The following CLASP1 variants were observed in gnomAD, a reference collection of about 807,000 sequenced individuals.
CLASP1 encodes the protein cytoplasmic linker associated protein 1.
A neutral mutation model predicts 192.3 loss-of-function variants in CLASP1; 38 were observed. That is an observed-to-expected ratio of 0.20 (90% CI 0.15 to 0.26). CLASP1 has a LOEUF of 0.26. Among genes scored for constraint, CLASP1 ranks in the 10% least tolerant of loss-of-function variants. The pLI is 1.00. For synonymous variants in CLASP1, 691 were observed against 712.8 expected (o/e 0.97, Z 0.49); for missense variants, 1,433 against 1,932.5 (o/e 0.74, Z 4.85).
chr2:121,600,550 C>T (rs954859098), intron 2 of CLASP1, among the ~76,000 whole-genome samples: 7 of 152,210 alleles, frequency 4.6e-5, no homozygotes, highest in African/African-American at 1.7e-4. Flanking sequence ...TCTGGAAAAA[C>T]TAACCAATCT....
At chr2:121,530,901 G>T (rs879429057) in intron 2 of CLASP1, 3 of 695,712 alleles carry the variant, frequency 4.3e-6, no homozygotes, top group East Asian at 2.7e-5. Context: ...TCTTGGGGTT[G>T]CGCTACTGTC....
intron 23 of CLASP1, among the ~76,000 whole-genome samples, chr2:121,414,902 A>C (rs1202240657): frequency 6.6e-6 from 1 of 152,032 alleles, no homozygotes; most frequent in Non-Finnish European, 1.5e-5. Flanking sequence ...CGCCTGCCTC[A>C]GCCTCCCAAG....
intron 2 of CLASP1, among the ~76,000 whole-genome samples, chr2:121,546,269 G>C (rs558638108): frequency 6.6e-6 from 1 of 151,538 alleles, no homozygotes; most frequent in Non-Finnish European, 1.5e-5. Flanking sequence ...CCCTATGACT[G>C]CAATTCCATT....
intron 8 of CLASP1, chr2:121,470,406 CACCTGGTACACACTTTA>C (rs2090505435): frequency 2.3e-6 from 1 of 432,316 alleles, no homozygotes; most frequent in Non-Finnish European, 4.4e-6. Flanking sequence ...TGTACTTGGT[CACCTGGTACACACTTTA>C]AACTAACAGC....
At chr2:121,441,370 G>A (rs1037240096) in intron 19 of CLASP1, among the ~76,000 whole-genome samples, 8 of 152,136 alleles carry the variant, frequency 5.3e-5, no homozygotes, top group Non-Finnish European at 8.8e-5. Flanking sequence ...ATCTTTTACA[G>A]AACCAAAACA....
chr2:121,575,032 G>A (rs181499151), intron 2 of CLASP1, among the ~76,000 whole-genome samples: 11 of 151,864 alleles, frequency 7.2e-5, no homozygotes, highest in African/African-American at 2.2e-4. Flanking sequence ...TAATTAGCTC[G>A]ATTTAGCCAT....
chr2:121,340,371 C>T (rs556867517), exon 40 of CLASP1: 1 of 154,060 alleles, frequency 6.5e-6, no homozygotes, highest in Admixed American at 6.4e-5. Context: ...CAGAACACAA[C>T]TTAAAGATAT....
chr2:121,539,635 C>T lies in CLASP1; in HGVS notation c.196-9310G>A, dbSNP rs142722993. Among the ~76,000 whole-genome samples, 312 of 152,212 alleles carry T rather than the reference C, an allele frequency of 2.0e-3. 1 individual carries two copies. Among genetic ancestry groups the T allele is most frequent in the African/African-American group, 6.0e-3 (249 of 41,530 alleles). On this transcript the variant is annotated intron_variant, in intron 2 of 39. Transcript: ENST00000263710. Reference sequence around the variant, plus strand: ...TAAAGGACAAGATTGATGAACTGGACCAAATTAGAATTAAGAACTTTGGCA... The same window carrying T: ...TAAAGGACAAGATTGATGAACTGGATCAAATTAGAATTAAGAACTTTGGCA...
chr2:121,564,121 T>C (rs887847865), intron 2 of CLASP1, among the ~76,000 whole-genome samples: 2 of 152,164 alleles, frequency 1.3e-5, no homozygotes, highest in African/African-American at 4.8e-5. Flanking sequence ...GTGGGAATTA[T>C]GAGATAAGAT....
chr2:121,414,940 A>G (rs952418393), intron 23 of CLASP1, among the ~76,000 whole-genome samples: 1 of 151,128 alleles, frequency 6.6e-6, no homozygotes, highest in Non-Finnish European at 1.5e-5. Flanking sequence ...ATGTGCCACC[A>G]CATTCGGCTT....
chr2:121,531,129 G>A lies in CLASP1; in HGVS notation c.196-804C>T, dbSNP rs560345484. ...GCGTGGTTTTAGTGTCGCAAGTAAA[G>A]TTCTTTCAGTTTTTGCGGTGATTAA... On this transcript the variant is annotated intron_variant, in intron 2 of 39. Coordinates refer to ENST00000263710, the Ensembl canonical transcript of CLASP1. The A allele has an allele frequency of 3.5e-4, 215 of 620,030 alleles. 6 individuals are homozygous for A. In the South Asian group the frequency reaches 3.6e-3, roughly 10 times the overall value. The allele number at this position is 620,030 out of a possible 1,614,324, so 38.4% of individuals were successfully genotyped here.
At chr2:121,565,035 C>A (rs1381290962) in intron 2 of CLASP1, among the ~76,000 whole-genome samples, 3 of 152,290 alleles carry the variant, frequency 2.0e-5, no homozygotes, top group African/African-American at 4.8e-5. Flanking sequence ...ACAGGCCAGG[C>A]TGGGGCCCCT....
intron 31 of CLASP1, 83 bp downstream of exon 32, chr2:121,387,680 A>G: frequency 7.5e-7 from 1 of 1,339,430 alleles, no homozygotes; most frequent in Non-Finnish European, 1.1e-6. Context: ...GAAACGGGGT[A>G]TTCTATTAGA....
chr2:121,389,543 C>A (rs1490095337), intron 30 of CLASP1, among the ~76,000 whole-genome samples: 1 of 150,892 alleles, frequency 6.6e-6, no homozygotes, highest in African/African-American at 2.4e-5. Context: ...AAGAAAGCAG[C>A]AGCCTGGAAT....
intron 2 of CLASP1, among the ~76,000 whole-genome samples, chr2:121,581,850 A>C (rs531171050): frequency 6.6e-6 from 1 of 152,286 alleles, no homozygotes; most frequent in East Asian, 1.9e-4. Flanking sequence ...GTGCCACTGC[A>C]CTCCCAACTG....
intron 2 of CLASP1, among the ~76,000 whole-genome samples, chr2:121,579,457 C>T (rs567645212): frequency 4.6e-5 from 7 of 152,270 alleles, no homozygotes; most frequent in East Asian, 1.9e-4. Context: ...CAAAAGAAAC[C>T]GTTATCCATT....
At chr2:121,450,823 A>G (rs2085328552) in intron 16 of CLASP1, 90 bp downstream of exon 16, 1 of 890,978 alleles carries the variant, frequency 1.1e-6, no homozygotes, top group South Asian at 1.7e-5. Context: ...AATATGTTCA[A>G]GTAACTTAAG....
chr2:121,536,587 G>A (rs2095087916), intron 2 of CLASP1, among the ~76,000 whole-genome samples: 1 of 152,058 alleles, frequency 6.6e-6, no homozygotes, highest in African/African-American at 2.4e-5. Context: ...ACAAAATGGA[G>A]TCTCCTGGTC....
chr2:121,381,950 CAAT>C (rs756404253), intron 33 of CLASP1, among the ~76,000 whole-genome samples: 1 of 152,062 alleles, frequency 6.6e-6, no homozygotes, highest in African/African-American at 2.4e-5. Context: ...GAAAGGCCCA[CAAT>C]AATAGGTGGT....
Sources: gnomAD v4.1 joint callset for allele counts (sites outside exome capture counted in the v4.1 genomes callset) on GRCh38, gnomAD v4.1.1 for gene constraint, MANE v1.5 for transcripts, NCBI Gene and HGNC (gene_info 2026-07-23, HGNC 2026-07-21) for gene names.